The following LRRFIP1 variants were observed in gnomAD, a reference collection of about 807,000 sequenced individuals.
LRRFIP1 encodes the protein LRR binding FLII interacting protein 1.
A neutral mutation model predicts 104.4 loss-of-function variants in LRRFIP1; 62 were observed. The observed-to-expected ratio is 0.59, with a 90% confidence interval of 0.48 to 0.73. The LOEUF is 0.73. Ranked by LOEUF, LRRFIP1 falls within the 30% of genes least tolerant of loss-of-function variation. LRRFIP1 has a pLI of 0.00. For synonymous variants in LRRFIP1, 300 were observed against 299.0 expected (o/e 1.00, Z -0.03); for missense variants, 796 against 824.5 (o/e 0.97, Z 0.42).
chr2:237,644,648 C>A (rs965429038), intron 1 of LRRFIP1, among the ~76,000 whole-genome samples: 16 of 152,234 alleles, frequency 1.1e-4, no homozygotes, highest in African/African-American at 3.6e-4. Flanking sequence ...TTCTCAGCAA[C>A]TTTGTTTTAA....
Position 237,735,320 on chromosome 2 carries a change from C to G in LRRFIP1, c.542C>G (p.Ser181Cys), listed in dbSNP as rs1447595651. The change falls in exon 10 of 24, where the codon TCC (serine) becomes TGC (cysteine). Residue 181 changes from serine (S) to cysteine (C), a missense_variant. Physicochemically the swap from Ser to Cys is moderately radical, Grantham distance 112 (BLOSUM62 -1). Coordinates refer to ENST00000308482, the MANE Select transcript of LRRFIP1 (RefSeq NM_001137550.2). The surrounding 1 kb of genome is among the most constrained non-coding windows in gnomAD (Gnocchi z 4.6). ...GGTGGGACCCGACGGGGCAGCACCT[C>G]CGGCTCCCGTGCTGTAAGGCGCTTT... ...SFGGTRRGST[S>C]GSRAPSEYSG... The G allele has an allele frequency of 2.5e-6, 4 of 1,613,342 alleles. No homozygotes were observed. The highest frequency in any genetic ancestry group is 3.4e-6 in the Non-Finnish European group (4 of 1,179,836).
intron 19 of LRRFIP1, chr2:237,765,460 AGTTTTTGAACCTT>A: frequency 1.3e-6 from 1 of 773,808 alleles, no homozygotes; most frequent in Non-Finnish European, 1.6e-6. Flanking sequence ...AAAAAAAAAA[AGTTTTTGAACCTT>A]AAAATACTTT....
chr2:237,677,925 G>T (rs1444214075), intron 1 of LRRFIP1, among the ~76,000 whole-genome samples: 1 of 152,138 alleles, frequency 6.6e-6, no homozygotes, highest in African/African-American at 2.4e-5. Context: ...TAATCGTAGA[G>T]TGTTAGAGCT....
At chr2:237,640,528 G>A (rs1307432527) in intron 1 of LRRFIP1, among the ~76,000 whole-genome samples, 2 of 152,126 alleles carry the variant, frequency 1.3e-5, no homozygotes, top group Non-Finnish European at 1.5e-5. Flanking sequence ...TGGAGACCCA[G>A]TCGTCCTTCA....
chr2:237,662,156 C>CTT (rs34392505), intron 1 of LRRFIP1, among the ~76,000 whole-genome samples: 63,415 of 151,834 alleles, frequency 0.42, 15,233 homozygotes, highest in African/African-American at 0.68. Flanking sequence ...CCTCGGCCCT[C>CTT]TGGCTTGTAG....
intron 19 of LRRFIP1, chr2:237,764,362 C>A: frequency 6.8e-7 from 1 of 1,463,146 alleles, no homozygotes; most frequent in Non-Finnish European, 9.0e-7. Context: ...TATCAGTGTA[C>A]GTTCTAATTG....
intron 1 of LRRFIP1, among the ~76,000 whole-genome samples, chr2:237,683,086 C>T (rs1045013649): frequency 6.6e-6 from 1 of 152,178 alleles, no homozygotes; most frequent in African/African-American, 2.4e-5. Flanking sequence ...AGGACAGCCG[C>T]CCACGACAAG....
intron 1 of LRRFIP1, chr2:237,692,360 C>T: frequency 7.7e-7 from 1 of 1,295,854 alleles, no homozygotes; most frequent in South Asian, 2.4e-5. Context: ...TCCGTCTCCG[C>T]GGACAGAGCG....
intron 1 of LRRFIP1, among the ~76,000 whole-genome samples, chr2:237,677,230 T>C (rs1198631612): frequency 6.6e-6 from 1 of 152,200 alleles, no homozygotes; most frequent in African/African-American, 2.4e-5. Context: ...GCACCCATCA[T>C]TCTACTTTGT....
intron 1 of LRRFIP1, among the ~76,000 whole-genome samples, chr2:237,670,477 G>C (rs1323063197): frequency 1.3e-5 from 2 of 152,262 alleles, no homozygotes; most frequent in African/African-American, 4.8e-5. Flanking sequence ...TGCTGAGCCA[G>C]AGGTCTGCTG....
At chr2:237,705,730 A>C (rs753336577) in intron 1 of LRRFIP1, among the ~76,000 whole-genome samples, 3 of 151,698 alleles carry the variant, frequency 2.0e-5, no homozygotes, top group Non-Finnish European at 4.4e-5. Flanking sequence ...CAAGGCTGCA[A>C]CCAAGGTGTC....
At position 237,708,592 on chromosome 2, in the gene LRRFIP1, G is replaced by C. The variant is rs773571581; in HGVS notation, c.145G>C (p.Glu49Gln). The change falls in exon 2 of 24, where the codon GAG becomes CAG. Residue 49 changes from glutamate to glutamine, a missense_variant. Glu to Gln is a conservative substitution (Grantham distance 29, BLOSUM62 2). Coordinates refer to ENST00000308482, the MANE Select transcript of LRRFIP1 (RefSeq NM_001137550.2). ...AKRAARAEAR[E>Q]IRMKELERQQ... ...ACGGGCGGCCCGCGCGGAGGCTCGC[G>C]AGATCCGCATGAAGGAGCTGGAGCG... 5.6e-6 allele frequency: 9 copies of C among 1,600,524 alleles called. 1 individual carries two copies. Among genetic ancestry groups the C allele is most frequent in the South Asian group, 2.2e-5 (2 of 89,308 alleles).
At chr2:237,741,134 G>A (rs1225091784) in intron 11 of LRRFIP1, among the ~76,000 whole-genome samples, 1 of 152,208 alleles carries the variant, frequency 6.6e-6, no homozygotes, top group African/African-American at 2.4e-5. Context: ...TGCAGGGAGT[G>A]CGAGGCGGCA....
At chr2:237,646,211 C>A (rs922786234) in intron 1 of LRRFIP1, among the ~76,000 whole-genome samples, 1 of 151,640 alleles carries the variant, frequency 6.6e-6, no homozygotes, top group African/African-American at 2.4e-5. Context: ...TATTTTCCTC[C>A]TTTCATTTTT....
At chr2:237,729,617 G>A (rs2094914901) in intron 8 of LRRFIP1, among the ~76,000 whole-genome samples, 1 of 152,148 alleles carries the variant, frequency 6.6e-6, no homozygotes, top group South Asian at 2.1e-4. Context: ...AATCTCTGCT[G>A]TACTGTTTGT....
chr2:237,702,665 T>A (rs2093602161), intron 1 of LRRFIP1, among the ~76,000 whole-genome samples: 1 of 152,210 alleles, frequency 6.6e-6, no homozygotes, highest in Admixed American at 6.5e-5. Flanking sequence ...CTTCTTTTCT[T>A]TCTTTTTAAA....
chr2:237,698,422 A>G (rs945596921), intron 1 of LRRFIP1, among the ~76,000 whole-genome samples: 2 of 152,254 alleles, frequency 1.3e-5, no homozygotes, highest in Admixed American at 1.3e-4. Context: ...CTGCACCTGC[A>G]TAAACTCAGA....
chr2:237,640,822 G>A (rs1019174932), intron 1 of LRRFIP1, among the ~76,000 whole-genome samples: 23 of 152,022 alleles, frequency 1.5e-4, no homozygotes, highest in African/African-American at 4.1e-4. Context: ...TGTTCCCAGC[G>A]AGAGAAGCCC....
intron 1 of LRRFIP1, chr2:237,692,263 C>A: frequency 8.7e-7 from 1 of 1,154,568 alleles, no homozygotes; most frequent in Non-Finnish European, 1.1e-6. Context: ...CCCTGTCGGC[C>A]GCGCCCGAGC....
Sources: gnomAD v4.1 joint callset for allele counts (sites outside exome capture counted in the v4.1 genomes callset) on GRCh38, gnomAD v4.1.1 for gene constraint, Gnocchi (gnomAD v3.1) non-coding constraint, MANE v1.5 for transcripts, NCBI Gene and HGNC (gene_info 2026-07-23, HGNC 2026-07-21) for gene names.